OCLN: variants seen among roughly 807,000 people sequenced by gnomAD.
OCLN encodes occludin.
A neutral mutation model predicts 47.9 loss-of-function variants in OCLN; 21 were observed. That is an observed-to-expected ratio of 0.44 (90% CI 0.31 to 0.63). The LOEUF (loss-of-function observed/expected upper bound fraction) is 0.63, where lower values mean the gene tolerates loss of function less well. OCLN is among the 30% of genes least tolerant of loss of function. The probability of loss-of-function intolerance (pLI) is 0.08; values close to 1 mark genes in which losing one functional copy is unlikely to be tolerated. For synonymous variants in OCLN, 117 were observed against 198.4 expected (o/e 0.59, Z 3.45); for missense variants, 360 against 571.0 (o/e 0.63, Z 3.77).
At chr5:69,528,992 CAAATGAAATATG>C (rs1769357993) in intron 4 of OCLN, among the ~76,000 whole-genome samples, 1 of 152,176 alleles carries the variant, frequency 6.6e-6, no homozygotes, top group African/African-American at 2.4e-5. Flanking sequence ...TTACTAACTC[CAAATGAAATATG>C]AAATTGATCT....
chr5:69,521,827 A>G (rs1250226808), intron 4 of OCLN, among the ~76,000 whole-genome samples: 1 of 152,194 alleles, frequency 6.6e-6, no homozygotes, highest in African/African-American at 2.4e-5. Context: ...TTGGTGATTA[A>G]GCATATGCTT....
intron 4 of OCLN, among the ~76,000 whole-genome samples, chr5:69,523,389 G>A (rs942458676): frequency 3.3e-5 from 5 of 152,044 alleles, no homozygotes; most frequent in Non-Finnish European, 5.9e-5. Flanking sequence ...TGATGTTTAC[G>A]TTAAATTTGG....
chr5:69,512,928 T>A (rs892818034), intron 3 of OCLN, among the ~76,000 whole-genome samples: 68 of 152,338 alleles, frequency 4.5e-4, no homozygotes, highest in Non-Finnish European at 8.1e-4. Flanking sequence ...TTCCCATTCC[T>A]GAATGAGTCA....
At chr5:69,503,373 T>G (rs928526630) in intron 1 of OCLN, among the ~76,000 whole-genome samples, 8 of 152,174 alleles carry the variant, frequency 5.3e-5, no homozygotes, top group African/African-American at 1.9e-4. Flanking sequence ...CTTTTCTTAC[T>G]CATCCTCCAT....
intron 4 of OCLN, among the ~76,000 whole-genome samples, chr5:69,521,199 C>T (rs909209245): frequency 3.3e-5 from 5 of 152,164 alleles, no homozygotes; most frequent in Non-Finnish European, 5.9e-5. Context: ...ATAATGTACA[C>T]GTTGTATGCA....
Position 69,549,126 on chromosome 5 carries a change from C to T in OCLN, c.1425+1025C>T, listed in dbSNP as rs1236421416. ...TGGGCGGATCATGAGGTCAGGAGAT[C>T]GAGACCATCCTGGCTAACACAGTGA... On this transcript the variant is annotated intron_variant, in intron 7 of 8. Transcript: ENST00000396442. 4.1e-4 allele frequency among the ~76,000 whole-genome samples: 60 copies of T among 146,234 alleles called. 1 individual carries two copies. The highest frequency in any genetic ancestry group is 2.1e-4 in the Admixed American group (3 of 14,586).
Position 69,520,137 on chromosome 5 carries a change from T to C in OCLN, c.891+6028T>C, listed in dbSNP as rs902776418. 2.0e-5 allele frequency among the ~76,000 whole-genome samples: 3 copies of C among 151,842 alleles called. No homozygotes were observed. In the South Asian group the frequency reaches 6.2e-4, roughly 32 times the overall value. On this transcript the variant is annotated intron_variant, in intron 4 of 8. Transcript: ENST00000396442. Reference sequence around the variant, plus strand: ...CCATGTGCAGCTACTTTTTGTATGTTTAGTAGAGATGGGGTTTTGTCATGT... The same window carrying C: ...CCATGTGCAGCTACTTTTTGTATGTCTAGTAGAGATGGGGTTTTGTCATGT...
At chr5:69,528,076 G>A (rs1769331293) in intron 4 of OCLN, among the ~76,000 whole-genome samples, 1 of 152,140 alleles carries the variant, frequency 6.6e-6, no homozygotes, top group South Asian at 2.1e-4. Flanking sequence ...GTAGATGTGG[G>A]ACCGTCTGCC....
chr5:69,514,595 G>A (rs1768876580), intron 4 of OCLN, among the ~76,000 whole-genome samples: 1 of 151,862 alleles, frequency 6.6e-6, no homozygotes, highest in Non-Finnish European at 1.5e-5. Context: ...AGGGTCATAG[G>A]ACAATAGTGG....
chr5:69,522,943 T>TTC (rs1561344235), intron 4 of OCLN, among the ~76,000 whole-genome samples: 1 of 147,036 alleles, frequency 6.8e-6, no homozygotes, highest in Non-Finnish European at 1.5e-5. Flanking sequence ...GCCCAGGCTA[T>TTC]TCTTGAACTC....
intron 3 of OCLN, among the ~76,000 whole-genome samples, 153 bp from the exon 4 acceptor site, chr5:69,513,795 G>A (rs1768849571): frequency 6.6e-6 from 1 of 152,176 alleles, no homozygotes; most frequent in South Asian, 2.1e-4. Context: ...TGATATGTCT[G>A]AAATGTAACT....
At chr5:69,494,207 T>G (rs905416738) in intron 1 of OCLN, among the ~76,000 whole-genome samples, 10 of 150,986 alleles carry the variant, frequency 6.6e-5, no homozygotes, top group Non-Finnish European at 1.3e-4. Flanking sequence ...GTGTGTGTGT[T>G]TTTCCGAGAC....
At chr5:69,525,383 C>T (rs967027122) in intron 4 of OCLN, among the ~76,000 whole-genome samples, 9 of 152,048 alleles carry the variant, frequency 5.9e-5, no homozygotes, top group Non-Finnish European at 1.0e-4. Context: ...GGATTACAGG[C>T]GTGAGCCACC....
At chr5:69,516,572 A>G (rs920505580) in intron 4 of OCLN, among the ~76,000 whole-genome samples, 1 of 152,200 alleles carries the variant, frequency 6.6e-6, no homozygotes. Context: ...ACAGCATGAC[A>G]AACCACAGTG....
intron 1 of OCLN, among the ~76,000 whole-genome samples, chr5:69,497,724 G>T (rs1015728138): frequency 6.6e-6 from 1 of 152,086 alleles, no homozygotes; most frequent in African/African-American, 2.4e-5. Flanking sequence ...CTCCTGGAGA[G>T]GCACATAGTT....
intron 4 of OCLN, among the ~76,000 whole-genome samples, chr5:69,514,652 C>A (rs1336154275): frequency 6.6e-6 from 1 of 151,954 alleles, no homozygotes; most frequent in African/African-American, 2.4e-5. Context: ...TCTGGTTTTC[C>A]TATGCAGAGG....
intron 1 of OCLN, among the ~76,000 whole-genome samples, chr5:69,498,315 G>A (rs1205080626): frequency 6.6e-6 from 1 of 152,104 alleles, no homozygotes; most frequent in Non-Finnish European, 1.5e-5. Context: ...TTAACATGGT[G>A]AAACCCCGTT....
Position 69,511,630 on chromosome 5 carries a change from G to A in OCLN, c.729+1811G>A, listed in dbSNP as rs543592325. On this transcript the variant is annotated intron_variant, in intron 3 of 8. Transcript: ENST00000396442. ...AGGGTCTCACTTTGTTGCCCGGTCT[G>A]GGCTGGAACTCCTGGGCTCAAGTGA... Among the ~76,000 whole-genome samples the A allele has an allele frequency of 3.3e-5, 5 of 152,146 alleles. No individual in the cohort carries two copies. The South Asian group carries it at 1.0e-3, about 32-fold the overall frequency.
intron 3 of OCLN, 71 bp from the exon 4 acceptor site, chr5:69,513,877 A>C: frequency 7.7e-7 from 1 of 1,303,818 alleles, no homozygotes; most frequent in Non-Finnish European, 1.1e-6. Flanking sequence ...GGGTTTTAAT[A>C]ATATGTAGAG....
Sources: allele counts gnomAD v4.1 joint callset (sites outside exome capture counted in the v4.1 genomes callset), GRCh38; gene constraint gnomAD v4.1.1; transcripts MANE v1.5; gene names NCBI Gene and HGNC (gene_info 2026-07-23, HGNC 2026-07-21).